PTGFRN: variants seen among roughly 807,000 people sequenced by gnomAD.
PTGFRN encodes prostaglandin F2 receptor inhibitor, also known as prostaglandin F2 receptor negative regulator.
PTGFRN carries 35 observed loss-of-function variants against 83.2 expected under a neutral mutation model. The observed-to-expected ratio is 0.42, with a 90% confidence interval of 0.32 to 0.56. The LOEUF (loss-of-function observed/expected upper bound fraction) is 0.56. Among genes scored for constraint, PTGFRN ranks in the 20% least tolerant of loss-of-function variants. The pLI is 0.11. For missense variants in PTGFRN, 1,051 were observed against 1,179.5 expected (o/e 0.89, Z 1.60); for synonymous variants, 519 against 498.6 (o/e 1.04, Z -0.55).
intron 1 of PTGFRN, among the ~76,000 whole-genome samples, chr1:116,912,313 G>C (rs1053584700): frequency 6.6e-6 from 1 of 152,158 alleles, no homozygotes; most frequent in African/African-American, 2.4e-5. Flanking sequence ...TGATAACTCT[G>C]CTGTCACAGA....
chr1:116,934,469 C>T (rs1649871707), intron 1 of PTGFRN, among the ~76,000 whole-genome samples: 1 of 152,134 alleles, frequency 6.6e-6, no homozygotes, highest in African/African-American at 2.4e-5. Flanking sequence ...TGTGCTGCAT[C>T]TAATCTGCTG....
At position 116,943,592 on chromosome 1, in the gene PTGFRN, G is replaced by A. The variant is rs1031736487; in HGVS notation, c.419-1087G>A. On this transcript the variant is annotated intron_variant, in intron 2 of 8. Coordinates refer to ENST00000393203, the MANE Select transcript of PTGFRN (RefSeq NM_020440.4). ...GCCATGTGTGGTCCAGGATCTGCCCGGCCTTCAGCTTCATGGCTCTTGAAA... is the reference window on the plus strand; with the variant it reads ...GCCATGTGTGGTCCAGGATCTGCCCAGCCTTCAGCTTCATGGCTCTTGAAA... Among the ~76,000 whole-genome samples the A allele has an allele frequency of 2.6e-5, 4 of 152,154 alleles. No homozygotes were observed. In the East Asian group the frequency reaches 7.7e-4, roughly 29 times the overall value.
chr1:116,911,325 C>T (rs891208069), intron 1 of PTGFRN, among the ~76,000 whole-genome samples: 2 of 152,192 alleles, frequency 1.3e-5, no homozygotes, highest in Admixed American at 6.5e-5. Flanking sequence ...GGTGTCCGTG[C>T]CATTCAGGTC....
At chr1:116,965,822 C>T (rs186724635) in intron 5 of PTGFRN, among the ~76,000 whole-genome samples, 3 of 152,130 alleles carry the variant, frequency 2.0e-5, no homozygotes, top group East Asian at 3.9e-4. Flanking sequence ...ATTTGTTCAC[C>T]GTTATGTTTC....
chr1:116,961,352 C>T lies in PTGFRN; in HGVS notation c.1323C>T (p.Val441=), dbSNP rs371136732. ...VVDTKSGEAN[V]RFTVSWYYRM... ...ACACGAAGAGTGGGGAGGCGAATGT[C>T]CGATTCACGGTTTCGTGGTACTACA... Residue 441 remains valine, a synonymous_variant, in exon 5 of 9, where the codon GTC becomes GTT. Transcript: ENST00000393203. This position sits in a 1 kb window ranked among gnomAD's most constrained non-coding sequence, Gnocchi z 5.4. 2.7e-5 allele frequency: 43 copies of T among 1,591,428 alleles called. No homozygotes were observed. The Admixed American group carries it at 2.9e-4, about 11-fold the overall frequency.
chr1:116,954,116 C>T (rs377108653), intron 4 of PTGFRN, among the ~76,000 whole-genome samples: 2 of 152,160 alleles, frequency 1.3e-5, no homozygotes, highest in South Asian at 4.2e-4. Context: ...TCTCGGCCTC[C>T]CAAAGTGCTG....
intron 1 of PTGFRN, among the ~76,000 whole-genome samples, chr1:116,917,539 T>A (rs1395415879): frequency 6.6e-6 from 1 of 152,164 alleles, no homozygotes; most frequent in Non-Finnish European, 1.5e-5. Context: ...GCATGCAGTC[T>A]CTGCAGTGAT....
chr1:116,972,864 C>G (rs1301708362), intron 6 of PTGFRN, among the ~76,000 whole-genome samples: 1 of 152,178 alleles, frequency 6.6e-6, no homozygotes, highest in Admixed American at 6.5e-5. Flanking sequence ...AATAATTCTG[C>G]CTGCAGCGTT....
intron 4 of PTGFRN, among the ~76,000 whole-genome samples, chr1:116,959,663 G>T (rs755536697): frequency 2.0e-5 from 3 of 152,150 alleles, no homozygotes; most frequent in Admixed American, 6.5e-5. Flanking sequence ...AAGGCAAAGT[G>T]CTATGGAAGA....
chr1:116,950,685 G>T (rs909484321), intron 4 of PTGFRN, among the ~76,000 whole-genome samples: 2 of 152,054 alleles, frequency 1.3e-5, no homozygotes, highest in African/African-American at 4.8e-5. Context: ...GGCAAAGATG[G>T]GGAGTTGGCC....
chr1:116,935,657 C>T (rs377207407), intron 1 of PTGFRN, among the ~76,000 whole-genome samples: 30 of 152,288 alleles, frequency 2.0e-4, no homozygotes, highest in African/African-American at 7.0e-4. Flanking sequence ...TACGTAAACA[C>T]TGCATGAAGG....
rs7366004 is a variant in PTGFRN, at chr1:116,924,308, G to A, written c.49+14056G>A. Among the ~76,000 whole-genome samples the A allele has an allele frequency of 5.4e-5, 6 of 110,166 alleles. 1 individual carries two copies. In the South Asian group the frequency reaches 1.3e-3, roughly 23 times the overall value. The allele number at this position is 110,166 out of a possible 152,430, so 72.3% of individuals were successfully genotyped here. A position where few individuals can be genotyped will look rare whatever the true frequency, so the allele number is the denominator to read the frequency against. On this transcript the variant is annotated intron_variant, in intron 1 of 8. Transcript: ENST00000393203. Reference sequence around the variant, plus strand: ...ATTACAGGCGCCTGCCACCACACCCGGCTAATTTTTGTATTTCTAGTAGAG... The same window carrying A: ...ATTACAGGCGCCTGCCACCACACCCAGCTAATTTTTGTATTTCTAGTAGAG...
intron 1 of PTGFRN, among the ~76,000 whole-genome samples, chr1:116,916,826 T>G (rs1024064035): frequency 3.3e-5 from 5 of 152,144 alleles, no homozygotes; most frequent in African/African-American, 1.2e-4. Context: ...CGCCGGGCAT[T>G]GTTCTGAGGA....
At chr1:116,964,814 G>C (rs1170555544) in intron 5 of PTGFRN, among the ~76,000 whole-genome samples, 1 of 152,140 alleles carries the variant, frequency 6.6e-6, no homozygotes, top group Non-Finnish European at 1.5e-5. Flanking sequence ...CTTCATCCTT[G>C]ACTGCTCGTT....
intron 1 of PTGFRN, among the ~76,000 whole-genome samples, chr1:116,930,267 G>A (rs1443061809): frequency 6.6e-6 from 1 of 152,162 alleles, no homozygotes; most frequent in Non-Finnish European, 1.5e-5. Flanking sequence ...GCCTTTCCTG[G>A]TTTTCTTCCT....
chr1:116,938,324 T>C lies in PTGFRN; in HGVS notation c.50-3391T>C, dbSNP rs183339503. ...CTGCTGATAAAGACATACCCGAGAC[T>C]GGGCAATTTACAAAAGAAAGAGGTT... On this transcript the variant is annotated intron_variant, in intron 1 of 8. Coordinates refer to ENST00000393203, the MANE Select transcript of PTGFRN (RefSeq NM_020440.4). Among the ~76,000 whole-genome samples, 15 of 152,272 alleles carry C rather than the reference T, an allele frequency of 9.9e-5. No homozygotes were observed. The East Asian group carries it at 2.9e-3, about 29-fold the overall frequency.
Position 116,918,882 on chromosome 1 carries a change from A to G in PTGFRN, c.49+8630A>G, listed in dbSNP as rs888500247. Among the ~76,000 whole-genome samples the G allele has an allele frequency of 1.3e-5, 2 of 152,200 alleles. No homozygotes were observed. Among genetic ancestry groups the G allele is most frequent in the Admixed American group, 1.3e-4 (2 of 15,290 alleles). ...GGAACTGATGAGAACATCACAGGAA[A>G]GATTAGCCAAGGAGTACACGTGGGA... On this transcript the variant is annotated intron_variant, in intron 1 of 8. Coordinates refer to ENST00000393203, the MANE Select transcript of PTGFRN (RefSeq NM_020440.4). This position sits in a 1 kb window ranked among gnomAD's most constrained non-coding sequence, Gnocchi z 4.1.
At chr1:116,985,021 A>C in intron 8 of PTGFRN, 36 bp downstream of exon 8, 1 of 1,569,300 alleles carries the variant, frequency 6.4e-7, no homozygotes, top group Non-Finnish European at 8.6e-7. Flanking sequence ...GTGTTTGGGA[A>C]TGTCTTCTTC....
chr1:116,918,568 A>G lies in PTGFRN; in HGVS notation c.49+8316A>G, dbSNP rs113646449. Among the ~76,000 whole-genome samples, 2,965 of 152,286 alleles carry G rather than the reference A, an allele frequency of 0.019. 94 individuals are homozygous for G. Among genetic ancestry groups the G allele is most frequent in the African/African-American group, 0.067 (2,779 of 41,540 alleles). ...GCTAAAGTTTAAGAAGCATGTCTGGAGGAGGTTTGGCATACAAATTACTTG... is the reference window on the plus strand; with the variant it reads ...GCTAAAGTTTAAGAAGCATGTCTGGGGGAGGTTTGGCATACAAATTACTTG... On this transcript the variant is annotated intron_variant, in intron 1 of 8. Transcript: ENST00000393203. This position sits in a 1 kb window ranked among gnomAD's most constrained non-coding sequence, Gnocchi z 4.1.
Sources: gnomAD v4.1 joint callset for allele counts (sites outside exome capture counted in the v4.1 genomes callset) on GRCh38, gnomAD v4.1.1 for gene constraint, Gnocchi (gnomAD v3.1) non-coding constraint, MANE v1.5 for transcripts, NCBI Gene and HGNC (gene_info 2026-07-23, HGNC 2026-07-21) for gene names.